ABCB11: variants seen among roughly 807,000 people sequenced by gnomAD.
ABCB11 encodes the protein bile salt export pump.
ABCB11 carries 95 observed loss-of-function variants against 148.0 expected under a neutral mutation model. The observed-to-expected ratio is 0.64, with a 90% confidence interval of 0.54 to 0.76. The LOEUF is 0.76. Among genes scored for constraint, ABCB11 ranks in the 30% least tolerant of loss-of-function variants. The probability of loss-of-function intolerance (pLI) is 0.00; values close to 1 mark genes in which losing one functional copy is unlikely to be tolerated. For synonymous variants in ABCB11, 591 were observed against 555.4 expected (o/e 1.06, Z -0.90); for missense variants, 1,523 against 1,617.8 (o/e 0.94, Z 1.01).
chr2:168,916,431 T>C (rs1690942920), downstream of ABCB11, among the ~76,000 whole-genome samples: 1 of 152,226 alleles, frequency 6.6e-6, no homozygotes, highest in African/African-American at 2.4e-5. Context: ...AGTAGTTGCA[T>C]TCGGATAGCC....
rs372577445 is a variant in ABCB11, at chr2:169,018,161, T to C, written c.-27-9A>G. ...ACCCACAGCCAACGACCCTATAAAA[T>C]AAAATAAAAGAATCATTGCAATTAT... On this transcript the variant is annotated splice_polypyrimidine_tract_variant and intron_variant, in intron 1 of 27. Coordinates refer to ENST00000650372, the MANE Select transcript of ABCB11 (RefSeq NM_003742.4). The C allele has an allele frequency of 1.2e-6, 2 of 1,603,218 alleles. No homozygotes were observed. The highest frequency in any genetic ancestry group is 2.7e-5 in the African/African-American group (2 of 74,504).
At chr2:169,021,333 G>A (rs1695533676) in intron 1 of ABCB11, among the ~76,000 whole-genome samples, 1 of 152,010 alleles carries the variant, frequency 6.6e-6, no homozygotes, top group Non-Finnish European at 1.5e-5. Context: ...ATTAAAGGGT[G>A]AAAAGGATAC....
intron 6 of ABCB11, among the ~76,000 whole-genome samples, chr2:168,995,895 C>A (rs1160870591): frequency 1.4e-5 from 2 of 143,984 alleles, no homozygotes; most frequent in African/African-American, 2.6e-5. Context: ...GCATAGTTTT[C>A]AGGCAATAAT....
chr2:168,927,001 C>CA (rs1691341580), intron 26 of ABCB11, among the ~76,000 whole-genome samples, 155 bp downstream of exon 26: 2 of 152,150 alleles, frequency 1.3e-5, no homozygotes, highest in Admixed American at 6.5e-5. Flanking sequence ...AAATTTTCCA[C>CA]CTGTGGAATC....
intron 8 of ABCB11, among the ~76,000 whole-genome samples, chr2:168,993,359 T>G (rs1694604125): frequency 6.6e-6 from 1 of 152,042 alleles, no homozygotes; most frequent in Admixed American, 6.6e-5. Flanking sequence ...CAAATCCCCT[T>G]ACCTTTCTGA....
intron 21 of ABCB11, among the ~76,000 whole-genome samples, chr2:168,940,666 T>C (rs932053441): frequency 2.6e-5 from 4 of 152,106 alleles, no homozygotes; most frequent in African/African-American, 9.7e-5. Context: ...AAATAACATA[T>C]TTTCCGTGTT....
intron 1 of ABCB11, among the ~76,000 whole-genome samples, chr2:169,020,512 T>C (rs937472512): frequency 6.6e-6 from 1 of 152,102 alleles, no homozygotes; most frequent in African/African-American, 2.4e-5. Flanking sequence ...ATGAATATTA[T>C]TGAAAATAGT....
rs535702103 is a variant in ABCB11 at position 169,004,320 on chromosome 2, T to C, written c.390-7598A>G. 5.9e-5 allele frequency among the ~76,000 whole-genome samples: 9 copies of C among 152,326 alleles called. No homozygotes were observed. In the South Asian group the frequency reaches 8.3e-4, roughly 14 times the overall value. Reference sequence around the variant, plus strand: ...CGAGAACACCAATTATTCTTAGGTTTGGTCATTTAACATAGTCCCAGACTT... The same window carrying C: ...CGAGAACACCAATTATTCTTAGGTTCGGTCATTTAACATAGTCCCAGACTT... On this transcript the variant is annotated intron_variant, in intron 5 of 27. Transcript: ENST00000650372.
chr2:168,976,733 T>G (rs1361646130), intron 11 of ABCB11, 46 bp from the exon 12 acceptor site: 1 of 1,128,056 alleles, frequency 8.9e-7, no homozygotes, highest in African/African-American at 1.5e-5. Flanking sequence ...CAAACTAAGA[T>G]GCACAACTCA....
chr2:168,985,374 G>C (rs1252533963), intron 10 of ABCB11, among the ~76,000 whole-genome samples: 1 of 152,138 alleles, frequency 6.6e-6, no homozygotes, highest in East Asian at 1.9e-4. Flanking sequence ...ACTACCATTT[G>C]ATCCAGCAAT....
In ABCB11 at chr2:168,994,697, T is replaced by A. The variant is rs1178045257; in HGVS notation, c.611+652A>T. Reference sequence around the variant, plus strand: ...GTGCAAGGCAATTGCTCCAGAATATTTATTGAATATAATTATATTAAATTC... The same window carrying A: ...GTGCAAGGCAATTGCTCCAGAATATATATTGAATATAATTATATTAAATTC... On this transcript the variant is annotated intron_variant, in intron 7 of 27. Transcript: ENST00000650372. 2.6e-5 allele frequency among the ~76,000 whole-genome samples: 4 copies of A among 152,122 alleles called. No homozygotes were observed. The East Asian group carries it at 7.7e-4, about 29-fold the overall frequency.
At chr2:168,956,954 A>T (rs1692824322) in intron 19 of ABCB11, among the ~76,000 whole-genome samples, 1 of 151,642 alleles carries the variant, frequency 6.6e-6, no homozygotes, top group Non-Finnish European at 1.5e-5. Flanking sequence ...CAACTGGGTA[A>T]GCTGCCTTAG....
chr2:168,962,951 T>G (rs562200480), intron 18 of ABCB11, among the ~76,000 whole-genome samples: 5 of 151,772 alleles, frequency 3.3e-5, no homozygotes, highest in Non-Finnish European at 7.4e-5. Flanking sequence ...GACCTCTGTT[T>G]ATTCAGTATT....
At chr2:168,981,805 C>CA (rs1573936275) in intron 10 of ABCB11, among the ~76,000 whole-genome samples, 1 of 152,212 alleles carries the variant, frequency 6.6e-6, no homozygotes, top group East Asian at 1.9e-4. Context: ...TCAGTTCTGC[C>CA]ATGTAGTATA....
chr2:168,923,271 G>C lies in ABCB11; in HGVS notation c.*351C>G, dbSNP rs1050277879. 3.1e-6 allele frequency: 1 copy of C among 324,216 alleles called. No homozygotes were observed. The allele number at this position is 324,216 out of a possible 1,614,324, so 20.1% of individuals were successfully genotyped here. ...GTTCTCTGCCCTTGAGGAGTTCAAA[G>C]TGTCACTTACTCCCTGATGTCTCAC... is the stretch of plus-strand genomic sequence containing the variant. On this transcript the variant is annotated 3_prime_UTR_variant, in exon 28 of 28. Transcript: ENST00000650372.
At chr2:168,995,247 A>G in intron 7 of ABCB11, 102 bp downstream of exon 7, 3 of 1,336,232 alleles carry the variant, frequency 2.2e-6, no homozygotes, top group Non-Finnish European at 3.0e-6. Flanking sequence ...GAGATGAAAC[A>G]TAGGAAAACT....
At chr2:168,923,858 C>T (rs758124855) in intron 27 of ABCB11, 36 bp from the exon 28 acceptor site, 185 of 1,596,318 alleles carry the variant, frequency 1.2e-4, no homozygotes, top group Non-Finnish European at 1.5e-4. Context: ...TGCAAAGATG[C>T]ATGATTGCTC....
chr2:168,977,573 T>C (rs1693963556), intron 11 of ABCB11, among the ~76,000 whole-genome samples: 1 of 152,192 alleles, frequency 6.6e-6, no homozygotes, highest in Non-Finnish European at 1.5e-5. Flanking sequence ...CCCTTGTCCA[T>C]AACTAGTGAT....
At chr2:168,970,250 A>T (rs1164235756) in intron 14 of ABCB11, 35 bp from the exon 15 acceptor site, 3 of 1,596,894 alleles carry the variant, frequency 1.9e-6, no homozygotes, top group Non-Finnish European at 2.6e-6. Context: ...TGAAGGGAAA[A>T]GAATTTGATG....
Sources: allele counts gnomAD v4.1 joint callset (sites outside exome capture counted in the v4.1 genomes callset), GRCh38; gene constraint gnomAD v4.1.1; transcripts MANE v1.5; gene names NCBI Gene and HGNC (gene_info 2026-07-23, HGNC 2026-07-21).